The following CSGALNACT1 variants were observed in gnomAD, a reference collection of about 807,000 sequenced individuals.
CSGALNACT1 encodes the protein chondroitin sulfate N-acetylgalactosaminyltransferase 1.
Under a neutral mutation model 51.0 loss-of-function variants are expected in CSGALNACT1, and 52 were observed. That is an observed-to-expected ratio of 1.02 (90% CI 0.82 to 1.29). The LOEUF (loss-of-function observed/expected upper bound fraction) is 1.29. Ranked by LOEUF, CSGALNACT1 falls within the 50% of genes most tolerant of loss-of-function variation. The pLI is 0.00. For missense variants in CSGALNACT1, 935 were observed against 679.2 expected (o/e 1.38, Z -4.19); for synonymous variants, 341 against 254.4 (o/e 1.34, Z -3.24).
chr8:19,671,407 C>A (rs747519983), intron 1 of CSGALNACT1, among the ~76,000 whole-genome samples: 6 of 152,202 alleles, frequency 3.9e-5, no homozygotes, highest in Non-Finnish European at 5.9e-5. Flanking sequence ...ACAGAGGTAA[C>A]CCATTTTTAT....
At chr8:19,691,077 G>A (rs2061288485) in intron 1 of CSGALNACT1, among the ~76,000 whole-genome samples, 1 of 152,206 alleles carries the variant, frequency 6.6e-6, no homozygotes, top group African/African-American at 2.4e-5. Context: ...GGACAACAGA[G>A]TGAGACCTAG....
intron 1 of CSGALNACT1, among the ~76,000 whole-genome samples, chr8:19,636,108 C>T (rs775180270): frequency 5.3e-5 from 8 of 152,144 alleles, no homozygotes; most frequent in Non-Finnish European, 8.8e-5. Flanking sequence ...CGCTTATCAG[C>T]GGTTCACTTT....
intron 2 of CSGALNACT1, among the ~76,000 whole-genome samples, chr8:19,597,730 C>A (rs1393776355): frequency 1.3e-5 from 2 of 152,204 alleles, no homozygotes; most frequent in Admixed American, 6.5e-5. Flanking sequence ...GGTACACCGT[C>A]AAATGTGCAG....
At chr8:19,655,358 G>C (rs1252310662) in intron 1 of CSGALNACT1, among the ~76,000 whole-genome samples, 1 of 152,002 alleles carries the variant, frequency 6.6e-6, no homozygotes, top group African/African-American at 2.4e-5. Context: ...CTATTTGCTA[G>C]TTGGGTGTTA....
At chr8:19,692,157 A>G (rs1334583394) in intron 1 of CSGALNACT1, among the ~76,000 whole-genome samples, 1 of 152,082 alleles carries the variant, frequency 6.6e-6, no homozygotes. Context: ...CCATGATCCA[A>G]TCACCTCCCA....
chr8:19,423,683 C>T (rs896939452), intron 6 of CSGALNACT1, among the ~76,000 whole-genome samples: 1 of 152,080 alleles, frequency 6.6e-6, no homozygotes, highest in African/African-American at 2.4e-5. Flanking sequence ...AATCCCTATG[C>T]TTCCATGATG....
rs532599407 is a variant in CSGALNACT1 at position 19,546,220 on chromosome 8, G to A, written c.-296-40090C>T. ...TTTCCATATTCACTGATATTTATCT[G>A]TCAAGTATATAAATACATAAAACAT... is the stretch of plus-strand genomic sequence containing the variant. On this transcript the variant is annotated intron_variant, in intron 3 of 9. Transcript: ENST00000454498. Among the ~76,000 whole-genome samples, 4 of 152,218 alleles carry A rather than the reference G, an allele frequency of 2.6e-5. No homozygotes were observed. In the East Asian group the frequency reaches 7.7e-4, roughly 29 times the overall value.
intron 2 of CSGALNACT1, among the ~76,000 whole-genome samples, chr8:19,594,602 G>A (rs2048499080): frequency 6.6e-6 from 1 of 152,146 alleles, no homozygotes; most frequent in African/African-American, 2.4e-5. Flanking sequence ...GGAGTGCAAT[G>A]GCGTGATCTC....
intron 1 of CSGALNACT1, among the ~76,000 whole-genome samples, chr8:19,667,810 T>C (rs1447324195): frequency 6.6e-6 from 1 of 152,190 alleles, no homozygotes; most frequent in East Asian, 1.9e-4. Flanking sequence ...ATCCACATAT[T>C]TTCATTATAA....
At chr8:19,428,359 A>C (rs1201613269) in intron 6 of CSGALNACT1, among the ~76,000 whole-genome samples, 1 of 152,188 alleles carries the variant, frequency 6.6e-6, no homozygotes, top group African/African-American at 2.4e-5. Flanking sequence ...AAGAGGAGCA[A>C]AGTCACATCT....
At chr8:19,477,876 A>C (rs180826470) in intron 4 of CSGALNACT1, among the ~76,000 whole-genome samples, 92 of 152,344 alleles carry the variant, frequency 6.0e-4, no homozygotes, top group African/African-American at 2.1e-3. Context: ...TGTGGGAAGA[A>C]AGACTTCGGT....
chr8:19,470,423 T>A (rs778641344), intron 4 of CSGALNACT1, among the ~76,000 whole-genome samples: 2 of 152,092 alleles, frequency 1.3e-5, no homozygotes, highest in Non-Finnish European at 2.9e-5. Context: ...CCAGAGAGCA[T>A]GAATTTGCAC....
chr8:19,461,596 C>T (rs1339092869), intron 4 of CSGALNACT1, among the ~76,000 whole-genome samples: 18 of 100,366 alleles, frequency 1.8e-4, no homozygotes, highest in African/African-American at 4.1e-4. Context: ...GGGGCGTATC[C>T]GCACAGCGGC....
At chr8:19,454,179 T>C (rs1316948986) in intron 5 of CSGALNACT1, among the ~76,000 whole-genome samples, 5 of 152,202 alleles carry the variant, frequency 3.3e-5, no homozygotes, top group Non-Finnish European at 7.3e-5. Flanking sequence ...TGACAACAAG[T>C]ATATACTCCA....
Position 19,667,028 on chromosome 8 carries a change from GAAGGAAGGAAGGAAGAAAGA to G in CSGALNACT1, c.-544+15425_-544+15444del, listed in dbSNP as rs1438918059. ...GAAAGAAAGAAAGAAAGGAAGGAAG[GAAGGAAGGAAGGAAGAAAGA>G]AAGAAAGAAAGAAAGAAAGAAAGAA... On this transcript the variant is annotated intron_variant, in intron 1 of 9. Transcript: ENST00000332246. Among the ~76,000 whole-genome samples the G allele has an allele frequency of 1.4e-3, 40 of 27,896 alleles. 3 individuals carry two copies. The highest frequency in any genetic ancestry group is 7.2e-3 in the Admixed American group (20 of 2,790). 18.3% of individuals were successfully genotyped at this position (27,896 alleles called of 152,430 possible).
intron 3 of CSGALNACT1, among the ~76,000 whole-genome samples, chr8:19,511,540 T>A (rs939242733): frequency 1.1e-4 from 17 of 152,222 alleles, no homozygotes; most frequent in African/African-American, 4.1e-4. Flanking sequence ...GTAAACTTTA[T>A]TTGAACATAT....
At chr8:19,432,702 G>A (rs1402929600) in intron 6 of CSGALNACT1, among the ~76,000 whole-genome samples, 4 of 152,028 alleles carry the variant, frequency 2.6e-5, no homozygotes, top group Non-Finnish European at 4.4e-5. Flanking sequence ...CAAACCTGCT[G>A]TTAAGCCTCC....
At chr8:19,616,399 C>CATAGAAAAA (rs570422239) in intron 1 of CSGALNACT1, among the ~76,000 whole-genome samples, 113 of 152,080 alleles carry the variant, frequency 7.4e-4, no homozygotes, top group Middle Eastern at 3.4e-3. Flanking sequence ...GATGAGGGGT[C>CATAGAAAAA]ATAGAAAAAA....
chr8:19,480,957 C>T (rs2071214572), intron 4 of CSGALNACT1, among the ~76,000 whole-genome samples: 2 of 152,106 alleles, frequency 1.3e-5, no homozygotes, highest in Non-Finnish European at 1.5e-5. Flanking sequence ...GGCTCTCCTA[C>T]GAGAGTGAGG....
Sources: gnomAD v4.1 joint callset for allele counts (sites outside exome capture counted in the v4.1 genomes callset) on GRCh38, gnomAD v4.1.1 for gene constraint, MANE v1.5 for transcripts, NCBI Gene and HGNC (gene_info 2026-07-23, HGNC 2026-07-21) for gene names.